The following ARB2A variants were observed in gnomAD, a reference collection of about 807,000 sequenced individuals.
ARB2A encodes ARB2 cotranscriptional regulator A.
chr5:93,718,331 C>A, the ARB2A span, among the ~76,000 whole-genome samples: 42 of 151,792 alleles, frequency 2.8e-4, no homozygotes, highest in African/African-American at 8.0e-4. Flanking sequence ...CCCAGCTACT[C>A]GGGAGGCTGA....
the ARB2A span, among the ~76,000 whole-genome samples, chr5:93,807,861 C>G: frequency 6.6e-6 from 1 of 152,050 alleles, no homozygotes; most frequent in South Asian, 2.1e-4. Context: ...AGGGCCTATA[C>G]TCAAAAGAAA....
the ARB2A span, among the ~76,000 whole-genome samples, chr5:93,631,289 A>G: frequency 6.6e-6 from 1 of 152,200 alleles, no homozygotes; most frequent in Non-Finnish European, 1.5e-5. Flanking sequence ...ACAATAAAAA[A>G]TGTATGCATT....
chr5:93,693,253 A>G, the ARB2A span, among the ~76,000 whole-genome samples: 1 of 152,186 alleles, frequency 6.6e-6, no homozygotes, highest in African/African-American at 2.4e-5. Flanking sequence ...AAAAAAATCA[A>G]TGAATCCAGG....
chr5:93,856,885 G>T, the ARB2A span, among the ~76,000 whole-genome samples: 2 of 151,866 alleles, frequency 1.3e-5, no homozygotes, highest in Non-Finnish European at 2.9e-5. Flanking sequence ...CAGTTTTTCT[G>T]CTCTGTTTTT....
the ARB2A span, among the ~76,000 whole-genome samples, chr5:93,970,541 C>A: frequency 1.3e-5 from 2 of 152,038 alleles, no homozygotes; most frequent in African/African-American, 4.8e-5. Context: ...TCTGTGCTTG[C>A]ATAGCGGTAA....
the ARB2A span, among the ~76,000 whole-genome samples, chr5:94,005,780 A>T: frequency 6.6e-6 from 1 of 152,232 alleles, no homozygotes; most frequent in Non-Finnish European, 1.5e-5. Flanking sequence ...GCACATGAAA[A>T]GATGTCTCCA....
the ARB2A span, among the ~76,000 whole-genome samples, chr5:93,658,167 T>C: frequency 6.6e-6 from 1 of 152,126 alleles, no homozygotes; most frequent in African/African-American, 2.4e-5. Flanking sequence ...ACACAAGACA[T>C]GGTCAACTTA....
chr5:93,906,065 A>C, the ARB2A span, among the ~76,000 whole-genome samples: 468 of 151,694 alleles, frequency 3.1e-3, 1 homozygote, highest in Non-Finnish European at 4.4e-3. Context: ...AATATTTACT[A>C]TAAAGATAAT....
At chr5:93,961,392 A>G in the ARB2A span, among the ~76,000 whole-genome samples, 1 of 152,242 alleles carries the variant, frequency 6.6e-6, no homozygotes, top group East Asian at 1.9e-4. Context: ...GTAATCACTT[A>G]GAACTGAAAG....
the ARB2A span, among the ~76,000 whole-genome samples, chr5:93,761,805 C>T: frequency 2.0e-5 from 3 of 152,204 alleles, no homozygotes; most frequent in African/African-American, 4.8e-5. Context: ...GAGGCACCCC[C>T]GAGTAGGGGC....
At chr5:93,846,228 G>C in the ARB2A span, among the ~76,000 whole-genome samples, 5 of 152,268 alleles carry the variant, frequency 3.3e-5, no homozygotes, top group East Asian at 7.7e-4. Flanking sequence ...GCTGGGCCCA[G>C]TGTGGTGGCT....
chr5:93,750,396 C>T, the ARB2A span, among the ~76,000 whole-genome samples: 34 of 152,198 alleles, frequency 2.2e-4, 1 homozygote, highest in Non-Finnish European at 4.4e-5. Flanking sequence ...ATCTAAACTA[C>T]AGTGATTATG....
chr5:93,978,396 A>T, the ARB2A span, among the ~76,000 whole-genome samples: 1 of 152,214 alleles, frequency 6.6e-6, no homozygotes, highest in Non-Finnish European at 1.5e-5. Flanking sequence ...CTGAATAAAG[A>T]AAATGTGGTA....
chr5:93,620,949 G>T, the ARB2A span: 13 of 1,597,350 alleles, frequency 8.1e-6, no homozygotes, highest in Non-Finnish European at 1.1e-5. Flanking sequence ...GTGCGGGTGG[G>T]TGCGCCAGGG....
At chr5:93,807,123 T>C in the ARB2A span, among the ~76,000 whole-genome samples, 1 of 151,996 alleles carries the variant, frequency 6.6e-6, no homozygotes, top group African/African-American at 2.4e-5. Context: ...TACATTTGTC[T>C]TACCAGTTCC....
At chr5:93,994,447 T>C in the ARB2A span, among the ~76,000 whole-genome samples, 1 of 152,176 alleles carries the variant, frequency 6.6e-6, no homozygotes, top group African/African-American at 2.4e-5. Context: ...TTCACTTACA[T>C]GAGGCATCTA....
chr5:93,835,724 ATGTG>A, the ARB2A span, among the ~76,000 whole-genome samples: 11 of 152,216 alleles, frequency 7.2e-5, no homozygotes, highest in Non-Finnish European at 1.5e-4. Context: ...ATAAGTATGT[ATGTG>A]TACATACACA....
At chr5:93,833,352 TCTA>T in the ARB2A span, among the ~76,000 whole-genome samples, 11 of 152,332 alleles carry the variant, frequency 7.2e-5, no homozygotes, top group Non-Finnish European at 1.2e-4. Context: ...GAATCCAGCT[TCTA>T]ATAATCTGGA....
At chr5:93,765,524 C>T in the ARB2A span, among the ~76,000 whole-genome samples, 1 of 152,234 alleles carries the variant, frequency 6.6e-6, no homozygotes, top group Non-Finnish European at 1.5e-5. Context: ...AACTACAAAC[C>T]ACTGCTCAAT....
Sources: gnomAD v4.1 joint callset for allele counts (sites outside exome capture counted in the v4.1 genomes callset) on GRCh38, gnomAD v4.1.1 for gene constraint, MANE v1.5 for transcripts, NCBI Gene and HGNC (gene_info 2026-07-23, HGNC 2026-07-21) for gene names.